The following CHRM3 variants were observed in gnomAD, a reference collection of about 807,000 sequenced individuals.
CHRM3 encodes the protein muscarinic acetylcholine receptor M3.
Under a neutral mutation model 41.8 loss-of-function variants are expected in CHRM3, and 11 were observed. The observed-to-expected ratio is 0.26, with a 90% CI of 0.17 to 0.44. CHRM3 has a LOEUF of 0.44. Ranked by LOEUF, CHRM3 falls within the 20% of genes least tolerant of loss-of-function variation. The pLI, the probability that CHRM3 is intolerant of heterozygous loss-of-function variation, is 1.00. For synonymous variants in CHRM3, 297 were observed against 301.4 expected (o/e 0.99, Z 0.15); for missense variants, 571 against 745.4 (o/e 0.77, Z 2.72).
intron 4 of CHRM3, among the ~76,000 whole-genome samples, chr1:239,666,192 CT>C (rs34265790): frequency 0.64 from 93,733 of 145,754 alleles, 30,043 homozygotes; most frequent in East Asian, 0.84. Context: ...TGTTGCCTGA[CT>C]TTTTTTTTTT....
At chr1:239,423,524 G>C (rs189915311) in intron 1 of CHRM3, among the ~76,000 whole-genome samples, 13 of 152,184 alleles carry the variant, frequency 8.5e-5, no homozygotes, top group African/African-American at 3.1e-4. Flanking sequence ...CAGTATTTTG[G>C]GAAACCAGGA....
At chr1:239,413,102 A>AG (rs1413356087) in intron 1 of CHRM3, among the ~76,000 whole-genome samples, 3 of 150,820 alleles carry the variant, frequency 2.0e-5, no homozygotes, top group Non-Finnish European at 3.0e-5. Flanking sequence ...AAATGAAAAA[A>AG]AAAAGATAAA....
At chr1:239,737,836 A>T (rs1664513729) in intron 5 of CHRM3, among the ~76,000 whole-genome samples, 1 of 152,162 alleles carries the variant, frequency 6.6e-6, no homozygotes, top group African/African-American at 2.4e-5. Context: ...ATCTGATTAG[A>T]TCTCAGAGAG....
At chr1:239,692,022 T>C (rs1659766277) in intron 5 of CHRM3, among the ~76,000 whole-genome samples, 1 of 152,208 alleles carries the variant, frequency 6.6e-6, no homozygotes, top group Admixed American at 6.5e-5. Flanking sequence ...CTTACATCAG[T>C]TTCCTCGAGA....
At chr1:239,689,726 C>T (rs776741222) in intron 5 of CHRM3, among the ~76,000 whole-genome samples, 2 of 152,090 alleles carry the variant, frequency 1.3e-5, no homozygotes, top group South Asian at 2.1e-4. Context: ...GCAAATAAAA[C>T]GGAAAAGCCT....
chr1:239,605,408 T>G (rs911478179), intron 3 of CHRM3, among the ~76,000 whole-genome samples: 5 of 152,200 alleles, frequency 3.3e-5, no homozygotes, highest in African/African-American at 1.2e-4. Context: ...ATCGCCAAGG[T>G]GTGTAGTAAG....
At position 239,390,948 on chromosome 1, in the gene CHRM3, G is replaced by A. The variant is rs116910538; in HGVS notation, c.-521+3721G>A. 3.5e-3 allele frequency among the ~76,000 whole-genome samples: 533 copies of A among 152,290 alleles called. 16 individuals are homozygous for A. The East Asian group carries it at 0.051, about 15-fold the overall frequency. ...GGCAAGGAAATCAAGATCAGCCTAG[G>A]CAACATAGCCAGACCCCATCTCTAC... On this transcript the variant is annotated intron_variant, in intron 1 of 6. Coordinates refer to ENST00000676153, the MANE Select transcript of CHRM3 (RefSeq NM_001375978.1).
intron 1 of CHRM3, among the ~76,000 whole-genome samples, chr1:239,465,056 T>G (rs192028197): frequency 6.6e-6 from 1 of 152,340 alleles, no homozygotes; most frequent in African/African-American, 2.4e-5. Flanking sequence ...AATTCAATTT[T>G]TTAGGGGTCT....
intron 1 of CHRM3, among the ~76,000 whole-genome samples, chr1:239,443,407 A>G (rs1663879985): frequency 6.6e-6 from 1 of 151,862 alleles, no homozygotes; most frequent in African/African-American, 2.4e-5. Context: ...AATTGATATC[A>G]ATTTCTCTAA....
chr1:239,611,177 G>C (rs1466735481), intron 3 of CHRM3, among the ~76,000 whole-genome samples: 1 of 152,132 alleles, frequency 6.6e-6, no homozygotes, highest in Non-Finnish European at 1.5e-5. Context: ...AATTTGAGCT[G>C]TAACTTTATT....
At chr1:239,886,203 A>T (rs1196605427) in intron 6 of CHRM3, 2 of 152,148 alleles carry the variant, frequency 1.3e-5, no homozygotes, top group Middle Eastern at 3.2e-3. Context: ...CTCGTACCCA[A>T]ACCTTGATGA....
chr1:239,447,770 C>T (rs904937528), intron 1 of CHRM3, among the ~76,000 whole-genome samples: 4 of 150,474 alleles, frequency 2.7e-5, no homozygotes, highest in African/African-American at 9.7e-5. Context: ...GAGCGAAATT[C>T]TGTCTCAAAA....
chr1:239,820,441 C>A (rs1186372986), intron 5 of CHRM3, among the ~76,000 whole-genome samples: 1 of 152,142 alleles, frequency 6.6e-6, no homozygotes, highest in African/African-American at 2.4e-5. Context: ...TTTCGTCTTC[C>A]CTCCTGCGAT....
chr1:239,782,751 G>A (rs505356), intron 5 of CHRM3, among the ~76,000 whole-genome samples: 93 of 151,718 alleles, frequency 6.1e-4, no homozygotes, highest in African/African-American at 2.1e-3. Flanking sequence ...CACTCAATGC[G>A]ATAAATTTCC....
At chr1:239,642,774 T>C (rs1468215389) in intron 4 of CHRM3, among the ~76,000 whole-genome samples, 1 of 152,248 alleles carries the variant, frequency 6.6e-6, no homozygotes, top group African/African-American at 2.4e-5. Flanking sequence ...CTCGTCAAAG[T>C]CATTCTCCAT....
intron 4 of CHRM3, among the ~76,000 whole-genome samples, chr1:239,654,683 G>A (rs1672555769): frequency 6.6e-6 from 1 of 152,210 alleles, no homozygotes; most frequent in African/African-American, 2.4e-5. Flanking sequence ...ACAGGCATGA[G>A]CCACCACGTC....
chr1:239,548,455 C>T (rs1049106150), intron 3 of CHRM3, among the ~76,000 whole-genome samples: 1 of 152,240 alleles, frequency 6.6e-6, no homozygotes, highest in African/African-American at 2.4e-5. Context: ...TTTAATCTGA[C>T]TTATCTGACT....
chr1:239,714,772 A>AGGTGACAAG (rs2148262967), intron 5 of CHRM3, among the ~76,000 whole-genome samples: 1 of 152,260 alleles, frequency 6.6e-6, no homozygotes, highest in African/African-American at 2.4e-5. Flanking sequence ...AGAGTAGGTG[A>AGGTGACAAG]GGTGACAAGG....
At chr1:239,795,581 A>G (rs536810360) in intron 5 of CHRM3, among the ~76,000 whole-genome samples, 7 of 152,206 alleles carry the variant, frequency 4.6e-5, no homozygotes, top group Non-Finnish European at 1.0e-4. Context: ...AAGACAGACA[A>G]GAACAACTCC....
Sources: gnomAD v4.1 joint callset for allele counts (sites outside exome capture counted in the v4.1 genomes callset) on GRCh38, gnomAD v4.1.1 for gene constraint, MANE v1.5 for transcripts, NCBI Gene and HGNC (gene_info 2026-07-23, HGNC 2026-07-21) for gene names.